USH1C: variants seen among roughly 807,000 people sequenced by gnomAD.
USH1C encodes harmonin.
Under a neutral mutation model 119.3 loss-of-function variants are expected in USH1C, and 90 were observed. The ratio of observed to expected loss-of-function variants is 0.75; its 90% CI spans 0.64 to 0.90. The LOEUF (loss-of-function observed/expected upper bound fraction) is 0.90. USH1C is among the 40% of genes least tolerant of loss of function. The pLI, the probability that USH1C is intolerant of heterozygous loss-of-function variation, is 0.00. For missense variants in USH1C, 1,165 were observed against 1,167.7 expected (o/e 1.00, Z 0.03); for synonymous variants, 465 against 443.3 (o/e 1.05, Z -0.62).
At position 17,494,485 on chromosome 11, in the gene USH1C, G is replaced by T. The variant is rs954513853; in HGVS notation, c.2656-109C>A. The T allele has an allele frequency of 1.0e-5, 13 of 1,291,190 alleles. No individual in the cohort carries two copies. In the African/African-American group the frequency reaches 1.8e-4, roughly 18 times the overall value. The allele number at this position is 1,291,190 out of a possible 1,614,324, so 80.0% of individuals were successfully genotyped here. ...GGAGTACCCACTCTGGCAGCACAAG[G>T]CCCTGCCACCCTTTGGAGACCCCTC... On this transcript the variant is annotated intron_variant, in intron 26 of 26. Transcript: ENST00000005226.
At chr11:17,512,217 G>A (rs1027034077) in intron 15 of USH1C, among the ~76,000 whole-genome samples, 163 bp from the exon 16 acceptor site, 2 of 152,126 alleles carry the variant, frequency 1.3e-5, no homozygotes, top group African/African-American at 4.8e-5. Flanking sequence ...AGGACAGGAA[G>A]GCCACTGCTA....
Position 17,510,432 on chromosome 11 carries a change from A to T in USH1C, c.1503T>A (p.Ile501=), listed in dbSNP as rs777979693. Residue 501 remains isoleucine (I), a synonymous_variant, in exon 17 of 27, where the codon ATT becomes ATA. Coordinates refer to ENST00000005226, the MANE Select transcript of USH1C (RefSeq NM_153676.4). ...ERLCQTRLEQ[I]SSADNEISEM... Reference sequence around the variant, plus strand: ...CTGAAATCTCATTATCAGCAGAGGAAATCTGCTCGAGGCGCGTTTGACAGA... The same window carrying T: ...CTGAAATCTCATTATCAGCAGAGGATATCTGCTCGAGGCGCGTTTGACAGA... The T allele has an allele frequency of 1.9e-6, 3 of 1,612,408 alleles. No individual in the cohort carries two copies. The highest frequency in any genetic ancestry group is 2.2e-5 in the East Asian group (1 of 44,864).
At position 17,504,600 on chromosome 11, in the gene USH1C, C is replaced by T. The variant is rs11827813; in HGVS notation, c.2184+47G>A. On this transcript the variant is annotated intron_variant, in intron 20 of 26. Transcript: ENST00000005226. The stretch of plus-strand genomic sequence containing the variant: ...AAGAAGTGGCACAGAGTGGGAGGGA[C>T]GGGGGTGGTGGGGAGACCTCCAGAC... 2,124 of 1,602,458 alleles carry T rather than the reference C, an allele frequency of 1.3e-3. 18 individuals are homozygous for T. The African/African-American group carries it at 0.022, about 17-fold the overall frequency.
At chr11:17,539,495 T>C (rs1478313967) in intron 1 of USH1C, among the ~76,000 whole-genome samples, 1 of 152,226 alleles carries the variant, frequency 6.6e-6, no homozygotes, top group East Asian at 1.9e-4. Context: ...AATGAGTTAA[T>C]AATTATGAAG....
In USH1C at chr11:17,494,384, G is replaced by A. The variant is rs916434099; in HGVS notation, c.2656-8C>T. On this transcript the variant is annotated splice_polypyrimidine_tract_variant and splice_region_variant and intron_variant, in intron 26 of 26. Coordinates refer to ENST00000005226, the MANE Select transcript of USH1C (RefSeq NM_153676.4). ...GGACTTCAGAAGAAGGTCCTGCAGG[G>A]AAGTGGAAACAGCCCAGGTGGATAC... 1.1e-5 allele frequency: 18 copies of A among 1,594,746 alleles called. No individual in the cohort carries two copies. Among genetic ancestry groups the A allele is most frequent in the Non-Finnish European group, 1.5e-5 (18 of 1,169,894 alleles).
intron 1 of USH1C, 81 bp downstream of exon 1, chr11:17,544,191 C>A (rs1249195950): frequency 6.3e-7 from 1 of 1,575,802 alleles, no homozygotes; most frequent in Non-Finnish European, 8.7e-7. Context: ...AAGGGAGGGG[C>A]AGTGCCGGGG....
intron 11 of USH1C, 76 bp downstream of exon 11, chr11:17,523,135 T>G: frequency 6.3e-7 from 1 of 1,587,706 alleles, no homozygotes; most frequent in South Asian, 1.1e-5. Flanking sequence ...ACCCTGGGAG[T>G]GTGTGGCAGA....
intron 1 of USH1C, among the ~76,000 whole-genome samples, chr11:17,539,597 A>T (rs1851370353): frequency 6.6e-6 from 1 of 152,220 alleles, no homozygotes. Context: ...TATCCACAGC[A>T]GTGGGCAGCG....
chr11:17,511,814 C>T, intron 16 of USH1C, 88 bp downstream of exon 16: 1 of 1,496,008 alleles, frequency 6.7e-7, no homozygotes, highest in African/African-American at 1.4e-5. Context: ...TTGAGGAGAA[C>T]AACTCCAGCT....
intron 9 of USH1C, among the ~76,000 whole-genome samples, chr11:17,524,106 A>C (rs1193443966): frequency 1.3e-5 from 2 of 152,188 alleles, no homozygotes; most frequent in African/African-American, 2.4e-5. Flanking sequence ...GTTTCCTCAT[A>C]TGTAAAGTGG....
intron 14 of USH1C, among the ~76,000 whole-genome samples, chr11:17,519,592 T>C (rs1175198231): frequency 6.6e-6 from 1 of 152,230 alleles, no homozygotes; most frequent in Admixed American, 6.5e-5. Flanking sequence ...GAAGCTCCTA[T>C]TTCACTCGTA....
intron 20 of USH1C, among the ~76,000 whole-genome samples, chr11:17,502,929 C>T (rs973010063): frequency 3.3e-5 from 5 of 152,152 alleles, no homozygotes; most frequent in African/African-American, 1.2e-4. Flanking sequence ...GAGCCACCCA[C>T]AGCATGCAGG....
intron 12 of USH1C, among the ~76,000 whole-genome samples, chr11:17,521,954 G>T (rs560763319): frequency 1.3e-5 from 2 of 152,126 alleles, no homozygotes; most frequent in East Asian, 3.9e-4. Context: ...TCAGCCTCCC[G>T]AGAAGCTGGG....
rs1472593374 is a variant in USH1C, at chr11:17,522,840, C to G, written c.963G>C (p.Lys321Asn). 6.2e-7 allele frequency: 1 copy of G among 1,613,722 alleles called. No individual in the cohort carries two copies. The highest frequency in any genetic ancestry group is 1.3e-5 in the African/African-American group (1 of 75,038). The part of the protein sequence containing the change: ...ELQRQELLMQ[K>N]RLAMESNKIL... ...TCTTGTTGGACTCCATCGCCAGCCG[C>G]TTCTGCATGAGAAGCTCCTGCCGCT... is the stretch of plus-strand genomic sequence containing the variant. The change falls in exon 12 of 27, where the codon AAG becomes AAC. Residue 321 changes from lysine (K) to asparagine (N), a missense_variant. Physicochemically the swap from Lys to Asn is moderately conservative, Grantham distance 94. Transcript: ENST00000005226.
chr11:17,502,646 A>G (rs1849491648), intron 20 of USH1C, among the ~76,000 whole-genome samples: 1 of 152,232 alleles, frequency 6.6e-6, no homozygotes, highest in Non-Finnish European at 1.5e-5. Flanking sequence ...GGGAGGACAC[A>G]CAGCTCAGGG....
chr11:17,543,668 G>T (rs1209448364), intron 1 of USH1C, among the ~76,000 whole-genome samples: 1 of 152,134 alleles, frequency 6.6e-6, no homozygotes, highest in Non-Finnish European at 1.5e-5. Context: ...TGAAGGATCT[G>T]GCCGGCCAGA....
rs769331847 is a variant in USH1C at position 17,501,553 on chromosome 11, GT to G, written c.2227-19del. 9 of 1,609,554 alleles carry G rather than the reference GT, an allele frequency of 5.6e-6. No individual in the cohort carries two copies. In the Admixed American group the frequency reaches 1.5e-4, roughly 27 times the overall value. On this transcript the variant is annotated intron_variant, in intron 21 of 26. Coordinates refer to ENST00000005226, the MANE Select transcript of USH1C (RefSeq NM_153676.4). ...GGGGTGAACTAGAGAGAAAAAGACA[GT>G]GGGAAGCTTTGAGCTGGCCTGAAGG...
At position 17,500,966 on chromosome 11, in the gene USH1C, A is replaced by T. The variant is rs1262851289; in HGVS notation, c.2380+85T>A. The T allele has an allele frequency of 7.0e-6, 8 of 1,145,160 alleles. No homozygotes were observed. In the Admixed American group the frequency reaches 1.2e-4, roughly 17 times the overall value. The allele number at this position is 1,145,160 out of a possible 1,614,324, so 70.9% of individuals were successfully genotyped here. The stretch of plus-strand genomic sequence containing the variant: ...TCTCCAGCAACCGTCAGCCCACTCC[A>T]AGTGGTCACCTGTTTGCTTTCCGGG... On this transcript the variant is annotated intron_variant, in intron 23 of 26. Coordinates refer to ENST00000005226, the MANE Select transcript of USH1C (RefSeq NM_153676.4).
chr11:17,533,944 G>A (rs1851116138), intron 1 of USH1C: 2 of 304,370 alleles, frequency 6.6e-6, no homozygotes, highest in Non-Finnish European at 6.7e-6. Context: ...AAGCCCCGCA[G>A]GGGGAGCGTC....
Sources: allele counts gnomAD v4.1 joint callset (sites outside exome capture counted in the v4.1 genomes callset), GRCh38; gene constraint gnomAD v4.1.1; transcripts MANE v1.5; gene names NCBI Gene and HGNC (gene_info 2026-07-23, HGNC 2026-07-21).